The following CAST variants were observed in gnomAD, a reference collection of about 807,000 sequenced individuals.
CAST encodes MIR583 host.
In CAST, 76 loss-of-function variants were observed where a neutral mutation model predicts 119.6. That is an observed-to-expected ratio of 0.64 (90% CI 0.53 to 0.77). The LOEUF is 0.77. Among genes scored for constraint, CAST ranks in the 30% least tolerant of loss-of-function variants. The pLI, the probability that CAST is intolerant of heterozygous loss-of-function variation, is 0.00. For missense variants in CAST, 953 were observed against 946.5 expected (o/e 1.01, Z -0.09); for synonymous variants, 319 against 331.6 (o/e 0.96, Z 0.41).
In CAST at chr5:96,774,200, C is replaced by T. The variant is rs1173559941; in HGVS notation, c.*1584C>T. The T allele has an allele frequency of 6.5e-6, 1 of 153,940 alleles. No individual in the cohort carries two copies. Among genetic ancestry groups the T allele is most frequent in the Non-Finnish European group, 1.5e-5 (1 of 68,094 alleles). The allele number at this position is 153,940 out of a possible 1,614,324, so 9.5% of individuals were successfully genotyped here. On this transcript the variant is annotated 3_prime_UTR_variant, in exon 32 of 32. Transcript: ENST00000675179. ...TTAAGAAAAACCTTGAAACCTTTGA[C>T]ACTGACAGATGTGTTTGCAAGGATA...
At chr5:96,698,889 GTACT>G (rs1392897761) in intron 3 of CAST, among the ~76,000 whole-genome samples, 1 of 152,076 alleles carries the variant, frequency 6.6e-6, no homozygotes, top group African/African-American at 2.4e-5. Context: ...TAAAAATTAA[GTACT>G]TAATTTGAAG....
chr5:96,110,372 C>T, the CAST span, among the ~76,000 whole-genome samples: 1 of 152,072 alleles, frequency 6.6e-6, no homozygotes, highest in African/African-American at 2.4e-5. Flanking sequence ...TAAAGATAAT[C>T]CTCTGATAAA....
chr5:96,066,386 C>T, the CAST span, among the ~76,000 whole-genome samples: 1 of 127,966 alleles, frequency 7.8e-6, no homozygotes, highest in African/African-American at 3.0e-5. Context: ...AATGATTTCT[C>T]TAACAACCTT....
At chr5:96,179,462 G>A in the CAST span, among the ~76,000 whole-genome samples, 1 of 152,176 alleles carries the variant, frequency 6.6e-6, no homozygotes, top group Non-Finnish European at 1.5e-5. Context: ...GGTTCCCAGT[G>A]TCCCTTGTTT....
chr5:96,313,154 T>C, the CAST span, among the ~76,000 whole-genome samples: 3 of 152,150 alleles, frequency 2.0e-5, no homozygotes, highest in Non-Finnish European at 4.4e-5. Flanking sequence ...TTTCTTCAAC[T>C]CAAGTTTTTT....
At chr5:96,686,140 A>T (rs1482704863) in intron 2 of CAST, among the ~76,000 whole-genome samples, 1 of 150,124 alleles carries the variant, frequency 6.7e-6, no homozygotes, top group Non-Finnish European at 1.5e-5. Flanking sequence ...TTCTCCCAGG[A>T]CCTTGTCCTT....
chr5:96,092,241 G>T, the CAST span, among the ~76,000 whole-genome samples: 2 of 152,086 alleles, frequency 1.3e-5, no homozygotes, highest in African/African-American at 4.8e-5. Flanking sequence ...ATTATAACTT[G>T]CTTTCTGTTT....
the CAST span, among the ~76,000 whole-genome samples, chr5:96,325,503 G>A: frequency 1.7e-4 from 24 of 142,546 alleles, no homozygotes; most frequent in African/African-American, 4.7e-4. Flanking sequence ...TTTTTGAGAC[G>A]GAGACTCGCT....
chr5:96,285,802 C>A, the CAST span, among the ~76,000 whole-genome samples: 1 of 152,126 alleles, frequency 6.6e-6, no homozygotes, highest in Non-Finnish European at 1.5e-5. Context: ...TGGAATCAAG[C>A]TATCTTTATA....
the CAST span, among the ~76,000 whole-genome samples, chr5:96,174,698 T>C: frequency 6.6e-6 from 1 of 152,242 alleles, no homozygotes; most frequent in African/African-American, 2.4e-5. Context: ...TGGCTCATGA[T>C]TTGTAATCTT....
chr5:96,348,117 TG>T, the CAST span, among the ~76,000 whole-genome samples: 2 of 152,076 alleles, frequency 1.3e-5, no homozygotes, highest in East Asian at 3.9e-4. Context: ...ATTCATCGGA[TG>T]TAGTATCATG....
At chr5:96,103,484 AATG>A in the CAST span, among the ~76,000 whole-genome samples, 1 of 150,868 alleles carries the variant, frequency 6.6e-6, no homozygotes, top group East Asian at 2.0e-4. Context: ...GTTTACTGAG[AATG>A]ATGATTTCCA....
chr5:96,666,583 C>T (rs1749367144), intron 1 of CAST, among the ~76,000 whole-genome samples: 1 of 152,108 alleles, frequency 6.6e-6, no homozygotes, highest in African/African-American at 2.4e-5. Context: ...CTAAGGAAGG[C>T]AAATAACAGG....
the CAST span, among the ~76,000 whole-genome samples, chr5:96,405,868 G>A: frequency 6.6e-6 from 1 of 152,168 alleles, no homozygotes; most frequent in Non-Finnish European, 1.5e-5. Flanking sequence ...GCTAGGCACG[G>A]CTAGTTATAT....
chr5:96,071,955 C>T, the CAST span, among the ~76,000 whole-genome samples: 1 of 152,184 alleles, frequency 6.6e-6, no homozygotes, highest in South Asian at 2.1e-4. Context: ...ATATTACTCT[C>T]TCTACTTTTA....
chr5:95,986,882 G>T, the CAST span, among the ~76,000 whole-genome samples: 2 of 152,142 alleles, frequency 1.3e-5, no homozygotes, highest in African/African-American at 2.4e-5. Context: ...TATATCCATT[G>T]TAAGTAACCT....
intron 27 of CAST, 92 bp from the exon 28 acceptor site, chr5:96,767,346 C>A: frequency 2.0e-6 from 2 of 999,576 alleles, no homozygotes; most frequent in South Asian, 2.8e-5. Context: ...TTATCCAAGT[C>A]AAGTCATGGG....
At chr5:96,696,649 GA>G (rs1753321635) in intron 3 of CAST, among the ~76,000 whole-genome samples, 1 of 134,382 alleles carries the variant, frequency 7.4e-6, no homozygotes, top group Admixed American at 8.7e-5. Context: ...AGGAGTTCAT[GA>G]CCAGCTTGAG....
the CAST span, among the ~76,000 whole-genome samples, chr5:96,111,422 A>G: frequency 6.6e-6 from 1 of 152,144 alleles, no homozygotes; most frequent in Admixed American, 6.5e-5. Context: ...TGATTGATTA[A>G]ATCATTGGCC....
Sources: allele counts gnomAD v4.1 joint callset (sites outside exome capture counted in the v4.1 genomes callset), GRCh38; gene constraint gnomAD v4.1.1; transcripts MANE v1.5; gene names NCBI Gene and HGNC (gene_info 2026-07-23, HGNC 2026-07-21).